CNTN5: variants seen among roughly 807,000 people sequenced by gnomAD.
CNTN5 encodes contactin-5.
In CNTN5, 77 loss-of-function variants were observed where a neutral mutation model predicts 129.1. That is an observed-to-expected ratio of 0.60 (90% confidence interval 0.50 to 0.72). CNTN5 has a LOEUF of 0.72. Ranked by LOEUF, CNTN5 falls within the 30% of genes least tolerant of loss-of-function variation. The probability of loss-of-function intolerance (pLI) is 0.00; values close to 1 mark genes in which losing one functional copy is unlikely to be tolerated. For synonymous variants in CNTN5, 509 were observed against 465.6 expected (o/e 1.09, Z -1.20); for missense variants, 1,478 against 1,328.8 (o/e 1.11, Z -1.75).
At chr11:99,908,938 C>A (rs1949582009) in intron 6 of CNTN5, among the ~76,000 whole-genome samples, 1 of 152,002 alleles carries the variant, frequency 6.6e-6, no homozygotes, top group South Asian at 2.1e-4. Context: ...AATGGCAAGC[C>A]ATAGCAAGAG....
intron 21 of CNTN5, among the ~76,000 whole-genome samples, chr11:100,319,442 T>C (rs947139575): frequency 6.6e-6 from 1 of 152,190 alleles, no homozygotes; most frequent in Admixed American, 6.5e-5. Flanking sequence ...CATGAGCCAC[T>C]GTGCCCAGCT....
At chr11:99,027,984 A>G (rs557137720) in intron 1 of CNTN5, among the ~76,000 whole-genome samples, 1 of 151,938 alleles carries the variant, frequency 6.6e-6, no homozygotes, top group Non-Finnish European at 1.5e-5. Flanking sequence ...AATAAAATAA[A>G]GAAAATATAA....
intron 3 of CNTN5, among the ~76,000 whole-genome samples, chr11:99,654,913 A>C (rs1368882290): frequency 6.6e-6 from 1 of 152,064 alleles, no homozygotes; most frequent in Non-Finnish European, 1.5e-5. Context: ...GTTTAATCTT[A>C]GTGTCCCTGA....
chr11:99,337,955 T>A (rs932743681), intron 2 of CNTN5, among the ~76,000 whole-genome samples: 1 of 152,190 alleles, frequency 6.6e-6, no homozygotes, highest in Non-Finnish European at 1.5e-5. Context: ...ATTGGAAAAA[T>A]TATTCAACTA....
intron 1 of CNTN5, among the ~76,000 whole-genome samples, chr11:99,027,211 C>G (rs1224993078): frequency 6.6e-6 from 1 of 151,384 alleles, no homozygotes; most frequent in Non-Finnish European, 1.5e-5. Context: ...TGTAAGGGAA[C>G]ATCCATTTGC....
intron 13 of CNTN5, among the ~76,000 whole-genome samples, chr11:100,146,325 G>A (rs535291110): frequency 5.1e-4 from 78 of 152,126 alleles, no homozygotes; most frequent in African/African-American, 1.7e-3. Context: ...ACTTTCTTCC[G>A]TACACATTTT....
intron 21 of CNTN5, among the ~76,000 whole-genome samples, chr11:100,315,985 A>G (rs1951565970): frequency 6.6e-6 from 1 of 152,210 alleles, no homozygotes; most frequent in South Asian, 2.1e-4. Flanking sequence ...CTGGATTGCC[A>G]TCTCTGTCAC....
chr11:100,010,894 C>T (rs921007919), intron 9 of CNTN5, among the ~76,000 whole-genome samples: 2 of 152,086 alleles, frequency 1.3e-5, no homozygotes, highest in African/African-American at 4.8e-5. Flanking sequence ...ATCCTCCCTG[C>T]TTTTCTTGAG....
chr11:99,420,236 G>A (rs564256006), intron 2 of CNTN5, among the ~76,000 whole-genome samples: 1 of 152,126 alleles, frequency 6.6e-6, no homozygotes, highest in African/African-American at 2.4e-5. Context: ...TCCTTTGACA[G>A]AAAGGAAATT....
chr11:100,341,222 T>C lies in CNTN5; in HGVS notation c.3030+17T>C, dbSNP rs553227887. 5 of 1,536,882 alleles carry C rather than the reference T, an allele frequency of 3.3e-6. No homozygotes were observed. In the African/African-American group the frequency reaches 6.8e-5, roughly 21 times the overall value. ...GGTTACAAGGTCAGTATTTCTTCAC[T>C]CTTTTGCATAGATACTCATCTCCGA... On this transcript the variant is annotated intron_variant, in intron 23 of 24. Coordinates refer to ENST00000524871, the MANE Select transcript of CNTN5 (RefSeq NM_014361.4).
At chr11:99,658,334 C>G (rs185318855) in intron 3 of CNTN5, among the ~76,000 whole-genome samples, 10 of 152,056 alleles carry the variant, frequency 6.6e-5, no homozygotes, top group African/African-American at 2.4e-4. Flanking sequence ...TAATTCAGAA[C>G]AAGTGAATAG....
intron 6 of CNTN5, among the ~76,000 whole-genome samples, chr11:99,853,416 T>C (rs1947937665): frequency 6.6e-6 from 1 of 151,864 alleles, no homozygotes; most frequent in Non-Finnish European, 1.5e-5. Flanking sequence ...TATATTTTTT[T>C]GAGACGGAGT....
At chr11:99,997,348 C>T (rs1332770750) in intron 8 of CNTN5, among the ~76,000 whole-genome samples, 2 of 151,918 alleles carry the variant, frequency 1.3e-5, no homozygotes, top group Admixed American at 6.6e-5. Flanking sequence ...AATTTTGGAT[C>T]AACTACCATC....
intron 1 of CNTN5, among the ~76,000 whole-genome samples, chr11:99,143,516 A>G (rs1455954915): frequency 8.8e-6 from 1 of 114,126 alleles, no homozygotes; most frequent in African/African-American, 3.4e-5. Context: ...ATGGGATCCT[A>G]GAGACAAATG....
chr11:99,845,826 AT>A (rs1947675577), intron 6 of CNTN5, among the ~76,000 whole-genome samples: 2 of 152,152 alleles, frequency 1.3e-5, no homozygotes, highest in East Asian at 3.9e-4. Context: ...TTTATGTGTT[AT>A]TTTCAAGTCT....
At chr11:99,831,423 G>C (rs1163632013) in intron 4 of CNTN5, among the ~76,000 whole-genome samples, 1 of 152,178 alleles carries the variant, frequency 6.6e-6, no homozygotes, top group Non-Finnish European at 1.5e-5. Context: ...AGTATTGCTT[G>C]TGTGACATGC....
rs537201589 is a variant in CNTN5, at chr11:100,276,172, C to A, written c.2314+4931C>A. 5.3e-5 allele frequency among the ~76,000 whole-genome samples: 8 copies of A among 152,150 alleles called. No individual in the cohort carries two copies. The East Asian group carries it at 1.5e-3, about 29-fold the overall frequency. On this transcript the variant is annotated intron_variant, in intron 18 of 24. Coordinates refer to ENST00000524871, the MANE Select transcript of CNTN5 (RefSeq NM_014361.4). Reference sequence around the variant, plus strand: ...GAACTATTCTGTCATAGAATTGCCCCTTTTCTGCATGCCAAAAAACAGAAT... The same window carrying A: ...GAACTATTCTGTCATAGAATTGCCCATTTTCTGCATGCCAAAAAACAGAAT...
At chr11:100,282,793 A>C (rs1417916331) in intron 18 of CNTN5, among the ~76,000 whole-genome samples, 1 of 152,190 alleles carries the variant, frequency 6.6e-6, no homozygotes, top group Admixed American at 6.5e-5. Flanking sequence ...TGACACTCAA[A>C]CCACAAGGCA....
intron 9 of CNTN5, among the ~76,000 whole-genome samples, chr11:100,037,875 C>T (rs1942117711): frequency 6.6e-6 from 1 of 151,908 alleles, no homozygotes; most frequent in African/African-American, 2.4e-5. Flanking sequence ...CTTTATTAGT[C>T]TTGCTGGCGG....
Sources: gnomAD v4.1 joint callset for allele counts (sites outside exome capture counted in the v4.1 genomes callset) on GRCh38, gnomAD v4.1.1 for gene constraint, MANE v1.5 for transcripts, NCBI Gene and HGNC (gene_info 2026-07-23, HGNC 2026-07-21) for gene names.